The following TMEM17 variants were observed in gnomAD, a reference collection of about 807,000 sequenced individuals.
TMEM17 encodes transmembrane protein 17.
In TMEM17, 15 loss-of-function variants were observed where a neutral mutation model predicts 19.1. The observed-to-expected ratio is 0.78, with a 90% CI of 0.52 to 1.21. The LOEUF (loss-of-function observed/expected upper bound fraction) is 1.21. Among genes scored for constraint, TMEM17 ranks in the 50% most tolerant of loss-of-function variants. The pLI is 0.00. For missense variants in TMEM17, 245 were observed against 242.3 expected, an observed-to-expected ratio of 1.01 and a Z score of -0.07; for synonymous variants, 103 against 86.9, an observed-to-expected ratio of 1.19 and a Z score of -1.03.
At chr2:62,474,240 TCA>T in the TMEM17 span, among the ~76,000 whole-genome samples, 1 of 152,174 alleles carries the variant, frequency 6.6e-6, no homozygotes, top group African/African-American at 2.4e-5. Context: ...CCAAAATAGT[TCA>T]GTTTTGCAGT....
At chr2:62,455,120 C>G in the TMEM17 span, among the ~76,000 whole-genome samples, 113 of 152,354 alleles carry the variant, frequency 7.4e-4, no homozygotes, top group African/African-American at 2.5e-3. Flanking sequence ...CTACTTGTAG[C>G]ATTCCCATTC....
rs1417991278 is a variant in TMEM17 at position 62,502,353 on chromosome 2, C to G, written c.318+84G>C. The stretch of plus-strand genomic sequence containing the variant: ...CTTTAAATTCAGGCCTGTGCTCTTT[C>G]TGCCACACCTCACTGCCTTTTACTT... On this transcript the variant is annotated intron_variant, in intron 3 of 3. Transcript: ENST00000335390. 3.4e-6 allele frequency: 3 copies of G among 887,208 alleles called. No homozygotes were observed. In the South Asian group the frequency reaches 4.9e-5, roughly 15 times the overall value. 55.0% of individuals were successfully genotyped at this position (887,208 alleles called of 1,614,324 possible). A position where few individuals can be genotyped will look rare whatever the true frequency, so the allele number is the denominator to read the frequency against.
the TMEM17 span, among the ~76,000 whole-genome samples, chr2:62,481,350 A>G: frequency 6.6e-6 from 1 of 152,176 alleles, no homozygotes; most frequent in South Asian, 2.1e-4. Flanking sequence ...CAGAGTCTAC[A>G]GGTTTTTCTA....
chr2:62,506,181 G>T lies in TMEM17; in HGVS notation c.-52C>A. On this transcript the variant is annotated 5_prime_UTR_variant, in exon 1 of 4. Transcript: ENST00000335390. ...CTCAGACACGGGCTAGTCTGCGGGC[G>T]CTCCGAGGCTCCGTGGTTCCCACGG... The T allele has an allele frequency of 6.8e-7, 1 of 1,480,772 alleles. No individual in the cohort carries two copies. 91.7% of individuals were successfully genotyped at this position (1,480,772 alleles called of 1,614,324 possible).
chr2:62,473,173 C>T, the TMEM17 span, among the ~76,000 whole-genome samples: 1 of 152,188 alleles, frequency 6.6e-6, no homozygotes, highest in Non-Finnish European at 1.5e-5. Context: ...AGGCACTGTT[C>T]TAATTGCTTT....
chr2:62,497,421 C>A (rs949872889), downstream of TMEM17, among the ~76,000 whole-genome samples: 21 of 152,220 alleles, frequency 1.4e-4, no homozygotes, highest in African/African-American at 5.1e-4. Context: ...TTATTCTGCA[C>A]CATTTCTTCT....
the TMEM17 span, among the ~76,000 whole-genome samples, chr2:62,481,011 G>C: frequency 6.6e-6 from 1 of 152,066 alleles, no homozygotes; most frequent in African/African-American, 2.4e-5. Context: ...GGAGTAGTAT[G>C]GTCATTTTAA....
At chr2:62,459,103 G>A in the TMEM17 span, among the ~76,000 whole-genome samples, 10 of 152,228 alleles carry the variant, frequency 6.6e-5, no homozygotes, top group Admixed American at 3.3e-4. Flanking sequence ...ACTGAAAATT[G>A]TAAGATAGTT....
chr2:62,495,138 A>C, the TMEM17 span, among the ~76,000 whole-genome samples: 2 of 152,262 alleles, frequency 1.3e-5, no homozygotes, highest in Non-Finnish European at 2.9e-5. Context: ...TTTTCAGACA[A>C]GAATGTTCAG....
intron 1 of TMEM17, among the ~76,000 whole-genome samples, chr2:62,505,108 G>A (rs1483344151): frequency 6.6e-6 from 1 of 152,174 alleles, no homozygotes; most frequent in Non-Finnish European, 1.5e-5. Flanking sequence ...GTGACAAAAT[G>A]CAGCTTTGGG....
the TMEM17 span, among the ~76,000 whole-genome samples, chr2:62,465,940 G>A: frequency 6.6e-6 from 1 of 152,140 alleles, no homozygotes; most frequent in African/African-American, 2.4e-5. Context: ...AATGGGACAT[G>A]AGGCAGGAAA....
At chr2:62,474,035 G>C in the TMEM17 span, among the ~76,000 whole-genome samples, 1 of 152,130 alleles carries the variant, frequency 6.6e-6, no homozygotes, top group Non-Finnish European at 1.5e-5. Context: ...GATGGGGAGG[G>C]GCCAGAGTGG....
rs4233979 is a variant in TMEM17, at chr2:62,500,767, C to T, written c.*442G>A. On this transcript the variant is annotated 3_prime_UTR_variant, in exon 4 of 4. Coordinates refer to ENST00000335390, the MANE Select transcript of TMEM17 (RefSeq NM_198276.3). ...CACACCCAGCCGGTCTCTTGGTTTA[C>T]AAATATAGACAAATACATAGGAACA... is the stretch of plus-strand genomic sequence containing the variant. 0.19 allele frequency: 29,033 copies of T among 153,578 alleles called. 3,082 individuals carry two copies. Among genetic ancestry groups the T allele is most frequent in the East Asian group, 0.44 (2,267 of 5,204 alleles). The allele number at this position is 153,578 out of a possible 1,614,324, so 9.5% of individuals were successfully genotyped here.
At chr2:62,456,559 G>T in the TMEM17 span, among the ~76,000 whole-genome samples, 10 of 152,238 alleles carry the variant, frequency 6.6e-5, no homozygotes, top group Admixed American at 3.3e-4. Flanking sequence ...AGTCACACCA[G>T]CAAAGTCCGT....
the TMEM17 span, among the ~76,000 whole-genome samples, chr2:62,461,339 C>T: frequency 6.6e-6 from 1 of 152,204 alleles, no homozygotes; most frequent in Admixed American, 6.5e-5. Context: ...GATAGTGCAG[C>T]TTGCCCTCAG....
At chr2:62,472,292 A>G in the TMEM17 span, among the ~76,000 whole-genome samples, 1 of 152,236 alleles carries the variant, frequency 6.6e-6, no homozygotes, top group Admixed American at 6.5e-5. Context: ...CCAGCAAAAG[A>G]AGGGTGGGCA....
At chr2:62,468,304 G>A in the TMEM17 span, among the ~76,000 whole-genome samples, 6 of 152,144 alleles carry the variant, frequency 3.9e-5, no homozygotes, top group African/African-American at 1.4e-4. Context: ...GAGAGCTGGG[G>A]GCAGGGTATG....
the TMEM17 span, among the ~76,000 whole-genome samples, chr2:62,478,614 A>G: frequency 6.6e-6 from 1 of 152,228 alleles, no homozygotes; most frequent in African/African-American, 2.4e-5. Context: ...TGCTTCTTGC[A>G]CTGGCTTTGC....
the TMEM17 span, among the ~76,000 whole-genome samples, chr2:62,455,204 A>C: frequency 1.3e-5 from 2 of 152,164 alleles, no homozygotes; most frequent in African/African-American, 4.8e-5. Context: ...TTGACATTTC[A>C]TATAAATAAT....
Sources: allele counts gnomAD v4.1 joint callset (sites outside exome capture counted in the v4.1 genomes callset), GRCh38; gene constraint gnomAD v4.1.1; transcripts MANE v1.5; gene names NCBI Gene and HGNC (gene_info 2026-07-23, HGNC 2026-07-21).